The following CDC37L1 variants were observed in gnomAD, a reference collection of about 807,000 sequenced individuals.
CDC37L1 encodes hsp90 co-chaperone Cdc37-like 1.
CDC37L1 carries 32 observed loss-of-function variants against 45.9 expected under a neutral mutation model. The observed-to-expected ratio is 0.70, with a 90% CI of 0.53 to 0.94. The LOEUF (loss-of-function observed/expected upper bound fraction) is 0.94. Among genes scored for constraint, CDC37L1 ranks in the 40% least tolerant of loss-of-function variants. The pLI is 0.00. For missense variants in CDC37L1, 434 were observed against 405.7 expected (o/e 1.07, Z -0.60); for synonymous variants, 150 against 133.0 (o/e 1.13, Z -0.88).
intron 5 of CDC37L1, among the ~76,000 whole-genome samples, chr9:4,700,363 G>T (rs1040584795): frequency 6.6e-6 from 1 of 152,132 alleles, no homozygotes; most frequent in Non-Finnish European, 1.5e-5. Context: ...GCCCAGGCTG[G>T]TCTCGAACTT....
rs1841453981 is a variant in CDC37L1, at chr9:4,707,438, C to G, written c.*1326C>G. On this transcript the variant is annotated 3_prime_UTR_variant, in exon 7 of 7. Transcript: ENST00000381854. ...CTGGGACTGGGAATACGTGTCTCAA[C>G]TTGAGAAACCAAATAGTGCGAAGGG... The G allele has an allele frequency of 1.3e-5, 2 of 152,138 alleles. No individual in the cohort carries two copies. The highest frequency in any genetic ancestry group is 2.9e-5 in the Non-Finnish European group (2 of 68,046). The allele number at this position is 152,138 out of a possible 1,614,324, so 9.4% of individuals were successfully genotyped here.
chr9:4,686,169 A>C lies in CDC37L1; in HGVS notation c.414+1011A>C, dbSNP rs549122265. Among the ~76,000 whole-genome samples, 6 of 152,072 alleles carry C rather than the reference A, an allele frequency of 3.9e-5. No individual in the cohort carries two copies. The East Asian group carries it at 9.6e-4, about 24-fold the overall frequency. On this transcript the variant is annotated intron_variant, in intron 2 of 6. Transcript: ENST00000381854. ...CTGGGCAACAGTGAAACACATCTCA[A>C]ACTTCTTAATTGTCCTCTTGGCATC...
chr9:4,703,776 A>G (rs1841420286), intron 6 of CDC37L1, among the ~76,000 whole-genome samples: 1 of 152,200 alleles, frequency 6.6e-6, no homozygotes, highest in Non-Finnish European at 1.5e-5. Flanking sequence ...TTAGATAGCA[A>G]CTATATATTA....
At chr9:4,694,512 T>TA (rs551423913) in intron 3 of CDC37L1, among the ~76,000 whole-genome samples, 45 of 150,504 alleles carry the variant, frequency 3.0e-4, no homozygotes, top group East Asian at 7.7e-4. Context: ...TTCTCAGATT[T>TA]AAAAAAAAAA....
chr9:4,679,776 A>G lies in CDC37L1; in HGVS notation c.9A>G (p.Gln3=). The G allele has an allele frequency of 6.2e-7, 1 of 1,612,684 alleles. No homozygotes were observed. The highest frequency in any genetic ancestry group is 8.5e-7 in the Non-Finnish European group (1 of 1,179,376). The change falls in exon 1 of 7, where the codon CAA becomes CAG. Residue 3 remains glutamine (Q), a synonymous_variant. Transcript: ENST00000381854. ME[Q]PWPPPGPWSL... ...ACCCGGAGCAGCCGGACATGGAACA[A>G]CCGTGGCCGCCTCCGGGACCCTGGA... is the stretch of plus-strand genomic sequence containing the variant.
At chr9:4,703,225 T>C (rs1841416062) in intron 6 of CDC37L1, 1 of 987,588 alleles carries the variant, frequency 1.0e-6, no homozygotes, top group African/African-American at 1.7e-5. Context: ...ATTGGGATTT[T>C]CAGTGGCTTG....
chr9:4,695,600 TC>T (rs1031558975), intron 3 of CDC37L1, among the ~76,000 whole-genome samples: 1 of 152,132 alleles, frequency 6.6e-6, no homozygotes, highest in Non-Finnish European at 1.5e-5. Flanking sequence ...TCCCAAGTGA[TC>T]CTGCCCCCTC....
At chr9:4,702,168 C>T in intron 6 of CDC37L1, 140 bp downstream of exon 6, 1 of 454,664 alleles carries the variant, frequency 2.2e-6, no homozygotes, top group South Asian at 5.4e-5. Flanking sequence ...TTGAATCTTA[C>T]TTCATGCCAT....
intron 6 of CDC37L1, among the ~76,000 whole-genome samples, chr9:4,705,216 C>T (rs1374518982): frequency 6.6e-6 from 1 of 152,146 alleles, no homozygotes; most frequent in Non-Finnish European, 1.5e-5. Context: ...ACTAGTAATA[C>T]AAGTGGTAAA....
At chr9:4,685,186 A>G in intron 2 of CDC37L1, 28 bp downstream of exon 2, 1 of 1,577,464 alleles carries the variant, frequency 6.3e-7, no homozygotes, top group South Asian at 1.1e-5. Context: ...GCCATAATGA[A>G]AGAAGAAAAA....
intron 4 of CDC37L1, 142 bp from the exon 5 acceptor site, chr9:4,697,615 A>G (rs1841360278): frequency 1.9e-6 from 1 of 530,642 alleles, no homozygotes. Flanking sequence ...ACTAAGATAT[A>G]CTCTTTATAT....
rs116114420 is a variant in CDC37L1 at position 4,703,212 on chromosome 9, A to C, written c.912+1184A>C. 2,640 of 1,200,324 alleles carry C rather than the reference A, an allele frequency of 2.2e-3. 50 individuals carry two copies. The African/African-American group carries it at 0.038, about 17-fold the overall frequency. The allele number at this position is 1,200,324 out of a possible 1,614,324, so 74.4% of individuals were successfully genotyped here. A position where few individuals can be genotyped will look rare whatever the true frequency, so the allele number is the denominator to read the frequency against. On this transcript the variant is annotated intron_variant, in intron 6 of 6. Transcript: ENST00000381854. ...TAGTTTTAAACCTCATAAAGTGCTA[A>C]AAATTGGGATTTTCAGTGGCTTGAC...
At chr9:4,696,178 C>T in intron 3 of CDC37L1, among the ~76,000 whole-genome samples, 1 of 152,094 alleles carries the variant, frequency 6.6e-6, no homozygotes, top group East Asian at 1.9e-4. Flanking sequence ...CATTTGTCTT[C>T]AGTTTTGTTC....
intron 1 of CDC37L1, among the ~76,000 whole-genome samples, chr9:4,681,623 C>T (rs1044488652): frequency 9.2e-5 from 14 of 151,798 alleles, no homozygotes; most frequent in African/African-American, 1.2e-4. Context: ...GCAACAAGAG[C>T]GAAACTCTTG....
In CDC37L1 at chr9:4,697,172, A is replaced by T. The variant is rs540369719; in HGVS notation, c.585A>T (p.Lys195Asn). Residue 195 changes from lysine (K) to asparagine (N), a missense_variant, in exon 4 of 7, where the codon AAA (lysine) becomes AAT (asparagine). Transcript: ENST00000381854. The stretch of plus-strand genomic sequence containing the variant: ...ACCTTGTATGTGAAGAAACTGCTAA[A>T]TATCTTATTTTATGGTGTTTTCACC... Reference protein sequence around the residue: ...HPYLVCEETAKYLILWCFHLE... With the variant: ...HPYLVCEETANYLILWCFHLE... 6.3e-7 allele frequency: 1 copy of T among 1,588,152 alleles called. No individual in the cohort carries two copies. The highest frequency in any genetic ancestry group is 1.7e-5 in the Admixed American group (1 of 59,724).
At chr9:4,694,639 G>C (rs1277519559) in intron 3 of CDC37L1, among the ~76,000 whole-genome samples, 1 of 152,088 alleles carries the variant, frequency 6.6e-6, no homozygotes, top group African/African-American at 2.4e-5. Context: ...TTGGGAGGCC[G>C]AGGCAGGTGG....
rs1390850702 is a variant in CDC37L1 at position 4,707,076 on chromosome 9, G to C, written c.*964G>C. 6.6e-6 allele frequency: 1 copy of C among 152,000 alleles called. No individual in the cohort carries two copies. The highest frequency in any genetic ancestry group is 1.5e-5 in the Non-Finnish European group (1 of 68,008). The allele number at this position is 152,000 out of a possible 1,614,324, so 9.4% of individuals were successfully genotyped here. ...TTTTTTTAAAGGCAAGAGAAATCTT[G>C]TAGTGCTAACTGCCTTGAGCTGCCA... On this transcript the variant is annotated 3_prime_UTR_variant, in exon 7 of 7. Transcript: ENST00000381854.
rs1346796194 is a variant in CDC37L1 at position 4,697,897 on chromosome 9, A to G, written c.747+18A>G. The G allele has an allele frequency of 1.2e-6, 2 of 1,611,702 alleles. No homozygotes were observed. Among genetic ancestry groups the G allele is most frequent in the Non-Finnish European group, 1.7e-6 (2 of 1,178,396 alleles). On this transcript the variant is annotated intron_variant, in intron 5 of 6. Transcript: ENST00000381854. The stretch of plus-strand genomic sequence containing the variant: ...AAGCCAAAGTAAGTAGTTATTTGAT[A>G]TTGATAAATGGGAAGATTTGGTCCC...
At chr9:4,703,356 G>GAA (rs113364976) in intron 6 of CDC37L1, 303 of 181,084 alleles carry the variant, frequency 1.7e-3, no homozygotes, top group East Asian at 7.5e-3. Flanking sequence ...TACTCTGGCT[G>GAA]AAAAAAAAAA....
Sources: gnomAD v4.1 joint callset for allele counts (sites outside exome capture counted in the v4.1 genomes callset) on GRCh38, gnomAD v4.1.1 for gene constraint, MANE v1.5 for transcripts, NCBI Gene and HGNC (gene_info 2026-07-23, HGNC 2026-07-21) for gene names.